FBP1: variants seen among roughly 807,000 people sequenced by gnomAD.
FBP1 encodes fructose-1,6-bisphosphatase 1.
Under a neutral mutation model 29.9 loss-of-function variants are expected in FBP1, and 22 were observed. The ratio of observed to expected loss-of-function variants is 0.74; its 90% CI spans 0.53 to 1.05. The LOEUF (loss-of-function observed/expected upper bound fraction) is 1.05, where lower values mean the gene tolerates loss of function less well. Ranked by LOEUF, FBP1 falls within the 50% of genes least tolerant of loss-of-function variation. The pLI, the probability that FBP1 is intolerant of heterozygous loss-of-function variation, is 0.00. For synonymous variants in FBP1, 175 were observed against 178.6 expected, an observed-to-expected ratio of 0.98 and a Z score of 0.16; for missense variants, 345 against 448.2, an observed-to-expected ratio of 0.77 and a Z score of 2.08.
At chr9:94,618,495 A>G (rs1827896815) in intron 2 of FBP1, among the ~76,000 whole-genome samples, 1 of 146,334 alleles carries the variant, frequency 6.8e-6, no homozygotes, top group South Asian at 2.2e-4. Context: ...AAAAAATTCA[A>G]TTAGCTGGGC....
chr9:94,603,536 C>CGTAGGCCATGGGG lies in FBP1; in HGVS notation c.849_861dup (p.Val288ProfsTer50). The CGTAGGCCATGGGG allele has an allele frequency of 6.2e-7, 1 of 1,614,178 alleles. No individual in the cohort carries two copies. Among genetic ancestry groups the CGTAGGCCATGGGG allele is most frequent in the Non-Finnish European group, 8.5e-7 (1 of 1,180,028 alleles). On this transcript the variant is annotated frameshift_variant, in exon 7 of 7. Coordinates refer to ENST00000375326, the MANE Select transcript of FBP1 (RefSeq NM_000507.4). LOFTEE classifies it high-confidence loss of function. ...GCCATTCCCCCAGCCTTCTCCATGACGTAGGCCATGGGGTTGCATTCGTAC... is the reference window on the plus strand; with the variant it reads ...GCCATTCCCCCAGCCTTCTCCATGACGTAGGCCATGGGGGTAGGCCATGGGGTTGCATTCGTAC...
In FBP1 at chr9:94,603,912, A is replaced by G. The variant is rs945940472; in HGVS notation, c.826-340T>C. 1.1e-5 allele frequency: 4 copies of G among 365,950 alleles called. No individual in the cohort carries two copies. The Admixed American group carries it at 1.5e-4, about 14-fold the overall frequency. The allele number at this position is 365,950 out of a possible 1,614,324, so 22.7% of individuals were successfully genotyped here. The stretch of plus-strand genomic sequence containing the variant: ...TATACCATGGAAACTGGACTTAATG[A>G]GTGATTCTGTGTGTGTTGGATGGAG... On this transcript the variant is annotated intron_variant, in intron 6 of 6. Coordinates refer to ENST00000375326, the MANE Select transcript of FBP1 (RefSeq NM_000507.4).
intron 3 of FBP1, among the ~76,000 whole-genome samples, chr9:94,616,485 G>A (rs1827864795): frequency 1.2e-5 from 1 of 80,706 alleles, no homozygotes; most frequent in Admixed American, 9.8e-5. Flanking sequence ...CTGTTGCCCA[G>A]GCTGGAGTGC....
chr9:94,634,218 CG>C (rs1287537293), intron 1 of FBP1, among the ~76,000 whole-genome samples: 9 of 150,100 alleles, frequency 6.0e-5, no homozygotes, highest in Non-Finnish European at 1.3e-4. Context: ...GGCATGAACC[CG>C]GGAGGCGGAG....
At chr9:94,610,215 G>A (rs887288353) in intron 3 of FBP1, among the ~76,000 whole-genome samples, 154 bp from the exon 4 acceptor site, 2 of 152,198 alleles carry the variant, frequency 1.3e-5, no homozygotes, top group African/African-American at 2.4e-5. Context: ...GCAATATCCT[G>A]ATTAGATTAT....
chr9:94,617,718 C>T (rs769770060), intron 3 of FBP1, 50 bp downstream of exon 3: 2 of 1,220,132 alleles, frequency 1.6e-6, no homozygotes, highest in Non-Finnish European at 2.4e-6. Flanking sequence ...ACTGGATGCT[C>T]AATCTTAACT....
At position 94,637,297 on chromosome 9, in the gene FBP1, G is replaced by T. The variant is rs184299059; in HGVS notation, c.170+1844C>A. On this transcript the variant is annotated intron_variant, in intron 1 of 6. Transcript: ENST00000375326. ...GCCAGTAAGAAAAGGAATCTAGATT[G>T]CAGGATGCGGGGCGGAGAAGAGTTT... Among the ~76,000 whole-genome samples the T allele has an allele frequency of 1.2e-3, 176 of 152,234 alleles. 1 individual carries two copies. The highest frequency in any genetic ancestry group is 4.1e-3 in the African/African-American group (172 of 41,528).
At chr9:94,627,188 CA>C (rs764985242) in intron 1 of FBP1, among the ~76,000 whole-genome samples, 2,783 of 112,638 alleles carry the variant, frequency 0.025, 78 homozygotes, top group African/African-American at 0.075. Flanking sequence ...AACTCCATCT[CA>C]AAAAAAAAAA....
rs1281825852 is a variant in FBP1 at position 94,620,465 on chromosome 9, A to T, written c.197T>A (p.Val66Glu). The change falls in exon 2 of 7, where the codon GTG becomes GAG. Residue 66 changes from valine to glutamate, a missense_variant. By Grantham distance (121) the Val-to-Glu change is moderately radical. Coordinates refer to ENST00000375326, the MANE Select transcript of FBP1 (RefSeq NM_000507.4). ...HLYGIAGSTN[V>E]TGDQVKKLDV... ...CAGCTTCTTAACTTGATCACCTGTC[A>T]CGTTGGTAGAACCAGCAATGCCATA... 1 of 1,614,212 alleles carries T rather than the reference A, an allele frequency of 6.2e-7. No individual in the cohort carries two copies. Among genetic ancestry groups the T allele is most frequent in the Non-Finnish European group, 8.5e-7 (1 of 1,180,032 alleles).
chr9:94,635,086 C>T (rs1316244570), intron 1 of FBP1, among the ~76,000 whole-genome samples: 1 of 82,250 alleles, frequency 1.2e-5, no homozygotes. Flanking sequence ...GGCCCTGTCT[C>T]AAAAAAAAAA....
chr9:94,638,050 C>T (rs1394697981), intron 1 of FBP1, among the ~76,000 whole-genome samples: 1 of 147,000 alleles, frequency 6.8e-6, no homozygotes, highest in Non-Finnish European at 1.5e-5. Flanking sequence ...CGCACCATTG[C>T]ACTCCAGCCT....
At chr9:94,619,660 G>A (rs1317146453) in intron 2 of FBP1, among the ~76,000 whole-genome samples, 1 of 151,764 alleles carries the variant, frequency 6.6e-6, no homozygotes, top group African/African-American at 2.4e-5. Context: ...GGTCACTTGA[G>A]GTCAGGAGTT....
chr9:94,607,104 C>T (rs1352346106), intron 4 of FBP1, 152 bp from the exon 5 acceptor site: 3 of 861,700 alleles, frequency 3.5e-6, no homozygotes, highest in Non-Finnish European at 5.8e-6. Flanking sequence ...CTGCCAGGCT[C>T]TCTGGGAACT....
chr9:94,623,760 A>T (rs1411291130), intron 1 of FBP1, among the ~76,000 whole-genome samples: 1 of 152,230 alleles, frequency 6.6e-6, no homozygotes, highest in Non-Finnish European at 1.5e-5. Context: ...CCTGCTGTGC[A>T]CGGGGAACCG....
chr9:94,619,889 AAAAAAAAAAAAAAG>A (rs1015085223), intron 2 of FBP1, among the ~76,000 whole-genome samples: 4 of 85,084 alleles, frequency 4.7e-5, no homozygotes, highest in Admixed American at 1.1e-4. Context: ...AAAAAAAAAA[AAAAAAAAAAAAAAG>A]AAGCAGAGAC....
chr9:94,613,567 C>G (rs1317460221), intron 3 of FBP1, among the ~76,000 whole-genome samples: 1 of 151,698 alleles, frequency 6.6e-6, no homozygotes. Flanking sequence ...GAGTTCAACA[C>G]CAGCCTGGGA....
At chr9:94,636,342 G>T (rs570227371) in intron 1 of FBP1, among the ~76,000 whole-genome samples, 37 of 152,080 alleles carry the variant, frequency 2.4e-4, no homozygotes, top group Non-Finnish European at 5.0e-4. Flanking sequence ...ATCCGGCATG[G>T]TGGCACATGC....
At position 94,609,990 on chromosome 9, in the gene FBP1, T is replaced by C. The variant is rs778151034; in HGVS notation, c.498A>G (p.Ala166=). ...CCAGCATGGTGGCACTGCCATACAGTGCGTAGCCGGCTGCCACCAGGTTCC... is the reference window on the plus strand; with the variant it reads ...CCAGCATGGTGGCACTGCCATACAGCGCGTAGCCGGCTGCCACCAGGTTCC... The part of the protein sequence containing the change: ...PGRNLVAAGY[A]LYGSATMLVL... Residue 166 remains alanine, a synonymous_variant, in exon 4 of 7, where the codon GCA becomes GCG. Transcript: ENST00000375326. 1.2e-6 allele frequency: 2 copies of C among 1,614,190 alleles called. No homozygotes were observed. The highest frequency in any genetic ancestry group is 2.2e-5 in the South Asian group (2 of 91,082).
chr9:94,639,279 ACGTCCGTGTCGAAGGG>A lies in FBP1; in HGVS notation c.16_31del (p.Pro6SerfsTer4). ...CATGACGAAGCGGGTCAGGGTGTTG[ACGTCCGTGTCGAAGGG>A]CGCCTGGTCAGCCATGCTTGAACCG... On this transcript the variant is annotated frameshift_variant, in exon 1 of 7. Coordinates refer to ENST00000375326, the MANE Select transcript of FBP1 (RefSeq NM_000507.4). LOFTEE classifies it high-confidence loss of function. 6.2e-7 allele frequency: 1 copy of A among 1,607,296 alleles called. No homozygotes were observed. Among genetic ancestry groups the A allele is most frequent in the Non-Finnish European group, 8.5e-7 (1 of 1,177,124 alleles).
Sources: gnomAD v4.1 joint callset for allele counts (sites outside exome capture counted in the v4.1 genomes callset) on GRCh38, gnomAD v4.1.1 for gene constraint, MANE v1.5 for transcripts, NCBI Gene and HGNC (gene_info 2026-07-23, HGNC 2026-07-21) for gene names.